The following KCNC1 variants were observed in gnomAD, a reference collection of about 807,000 sequenced individuals.
KCNC1 encodes the protein potassium voltage-gated channel subfamily C member 1, also known as voltage-gated potassium channel KCNC1.
In KCNC1, 8 loss-of-function variants were observed where a neutral mutation model predicts 43.4. The observed-to-expected ratio is 0.18, with a 90% confidence interval of 0.11 to 0.33. The LOEUF (loss-of-function observed/expected upper bound fraction) is 0.33, where lower values mean the gene tolerates loss of function less well. Among genes scored for constraint, KCNC1 ranks in the 10% least tolerant of loss-of-function variants. The pLI, the probability that KCNC1 is intolerant of heterozygous loss-of-function variation, is 1.00. For synonymous variants in KCNC1, 361 were observed against 360.5 expected (o/e 1.00, Z -0.01); for missense variants, 420 against 836.0 (o/e 0.50, Z 6.14).
intron 2 of KCNC1, chr11:17,775,573 C>G (rs1849276088): frequency 1.0e-6 from 1 of 985,428 alleles, no homozygotes; most frequent in African/African-American, 1.7e-5. Context: ...CTACTTCTCT[C>G]CCAGAAAGGG....
In KCNC1 at chr11:17,781,822, C is replaced by T. The variant is rs1849349172; in HGVS notation, c.*88C>T. The T allele has an allele frequency of 2.1e-6, 2 of 936,464 alleles. No homozygotes were observed. Among genetic ancestry groups the T allele is most frequent in the Non-Finnish European group, 1.7e-6 (1 of 595,436 alleles). The allele number at this position is 936,464 out of a possible 1,614,324, so 58.0% of individuals were successfully genotyped here. A position where few individuals can be genotyped will look rare whatever the true frequency, so the allele number is the denominator to read the frequency against. ...CTCACCCTCGGACAGAGTAAATTCA[C>T]GCCATGCAGGTTTGCCGGACGAGTC... On this transcript the variant is annotated 3_prime_UTR_variant, in exon 4 of 4. Coordinates refer to ENST00000265969, the MANE Select transcript of KCNC1 (RefSeq NM_001112741.2). This position sits in a 1 kb window ranked among gnomAD's most constrained non-coding sequence, Gnocchi z 5.1.
At chr11:17,741,806 T>C (rs750450675) in intron 1 of KCNC1, among the ~76,000 whole-genome samples, 3 of 152,210 alleles carry the variant, frequency 2.0e-5, no homozygotes, top group Non-Finnish European at 4.4e-5. Context: ...CAGGTTCCCC[T>C]GCCTCAGGGC....
chr11:17,752,085 A>G lies in KCNC1; in HGVS notation c.570+15513A>G, dbSNP rs140102048. ...TGCTATCAACCCCCAGGTGTTAGCC[A>G]TGAACTCCAAGGCTTTAGTTCTAAT... is the stretch of plus-strand genomic sequence containing the variant. On this transcript the variant is annotated intron_variant, in intron 1 of 3. Coordinates refer to ENST00000265969, the MANE Select transcript of KCNC1 (RefSeq NM_001112741.2). Among the ~76,000 whole-genome samples the G allele has an allele frequency of 5.9e-5, 9 of 152,312 alleles. No homozygotes were observed. In the East Asian group the frequency reaches 1.7e-3, roughly 29 times the overall value.
intron 1 of KCNC1, among the ~76,000 whole-genome samples, chr11:17,768,563 C>T (rs909071869): frequency 7.9e-6 from 1 of 126,482 alleles, no homozygotes; most frequent in African/African-American, 2.9e-5. Flanking sequence ...TGACCCTGCC[C>T]GGAGAGAGTC....
intron 1 of KCNC1, among the ~76,000 whole-genome samples, chr11:17,764,837 GA>G (rs1166754610): frequency 1.3e-5 from 2 of 152,206 alleles, no homozygotes; most frequent in Admixed American, 1.3e-4. Context: ...CCGGCCCGCG[GA>G]AGTCCAGATG....
At chr11:17,755,457 C>T (rs1309724479) in intron 1 of KCNC1, among the ~76,000 whole-genome samples, 2 of 152,204 alleles carry the variant, frequency 1.3e-5, no homozygotes, top group Non-Finnish European at 2.9e-5. Context: ...TGGTCTATTA[C>T]CATGACCCGG....
intron 1 of KCNC1, among the ~76,000 whole-genome samples, chr11:17,759,357 C>T (rs1282342039): frequency 6.6e-6 from 1 of 152,226 alleles, no homozygotes. Context: ...CTCAAACTTT[C>T]TATCAGTAGT....
intron 1 of KCNC1, among the ~76,000 whole-genome samples, chr11:17,737,868 G>A (rs1173145932): frequency 1.3e-5 from 2 of 152,208 alleles, no homozygotes; most frequent in African/African-American, 4.8e-5. Flanking sequence ...GGGCTAGGGA[G>A]GGGTAGGAAG....
At chr11:17,764,997 C>T (rs1849132617) in intron 1 of KCNC1, among the ~76,000 whole-genome samples, 1 of 152,218 alleles carries the variant, frequency 6.6e-6, no homozygotes, top group South Asian at 2.1e-4. Flanking sequence ...GAAAAACTGA[C>T]CTGAAGCCTC....
chr11:17,746,411 A>C (rs543831151), intron 1 of KCNC1, among the ~76,000 whole-genome samples: 1 of 152,264 alleles, frequency 6.6e-6, no homozygotes, highest in East Asian at 1.9e-4. Context: ...CAAGATGCAC[A>C]AGTTCCTACG....
chr11:17,763,430 A>G (rs1013616114), intron 1 of KCNC1, among the ~76,000 whole-genome samples: 1 of 151,960 alleles, frequency 6.6e-6, no homozygotes, highest in Non-Finnish European at 1.5e-5. Context: ...GTGCCCAGCC[A>G]GACCCTGGTT....
At chr11:17,765,776 T>C (rs1306599566) in intron 1 of KCNC1, 1 of 152,288 alleles carries the variant, frequency 6.6e-6, no homozygotes, top group Non-Finnish European at 1.5e-5. Context: ...GAGCTCCCTT[T>C]GTGCCCCCTG....
intron 1 of KCNC1, among the ~76,000 whole-genome samples, chr11:17,763,848 C>A (rs146193065): frequency 6.2e-5 from 9 of 145,632 alleles, no homozygotes; most frequent in Admixed American, 1.4e-4. Context: ...TACACATCCA[C>A]CTCCACACAC....
In KCNC1 at chr11:17,736,216, C is replaced by T. The variant is rs1848763986; in HGVS notation, c.214C>T (p.Arg72Cys). The part of the protein sequence containing the change: ...GVFAHILNYY[R>C]TGKLHCPADV... ...CTTCGCGCACATCCTGAACTACTAC[C>T]GCACGGGCAAGCTGCACTGCCCAGC... The change falls in exon 1 of 4, where the codon CGC becomes TGC. Residue 72 changes from arginine (R) to cysteine (C), a missense_variant. By Grantham distance (180) the Arg-to-Cys change is radical. Transcript: ENST00000265969. The surrounding 1 kb of genome is among the most constrained non-coding windows in gnomAD (Gnocchi z 9.3). 6.2e-7 allele frequency: 1 copy of T among 1,613,748 alleles called. No individual in the cohort carries two copies. The highest frequency in any genetic ancestry group is 1.3e-5 in the African/African-American group (1 of 74,936).
chr11:17,753,799 TCTC>T (rs1354393159), intron 1 of KCNC1, among the ~76,000 whole-genome samples: 1 of 152,134 alleles, frequency 6.6e-6, no homozygotes, highest in Non-Finnish European at 1.5e-5. Context: ...CATGGTCTCA[TCTC>T]CTCACCATGT....
chr11:17,747,093 A>G (rs1848908205), intron 1 of KCNC1, among the ~76,000 whole-genome samples: 1 of 152,026 alleles, frequency 6.6e-6, no homozygotes, highest in African/African-American at 2.4e-5. Flanking sequence ...CTCTACTATC[A>G]GATGCTTCTC....
Position 17,781,366 on chromosome 11 carries a change from T to C in KCNC1, c.1694-304T>C. 1.1e-5 allele frequency: 4 copies of C among 353,848 alleles called. No homozygotes were observed. The South Asian group carries it at 1.4e-4, about 12-fold the overall frequency. The allele number at this position is 353,848 out of a possible 1,614,324, so 21.9% of individuals were successfully genotyped here. A position where few individuals can be genotyped will look rare whatever the true frequency, so the allele number is the denominator to read the frequency against. On this transcript the variant is annotated intron_variant, in intron 3 of 3. Coordinates refer to ENST00000265969, the MANE Select transcript of KCNC1 (RefSeq NM_001112741.2). The surrounding 1 kb of genome is among the most constrained non-coding windows in gnomAD (Gnocchi z 5.1). Reference sequence around the variant, plus strand: ...TACATCCATTCGGCCCGCGCTCTCATGGAGCCACGACAGCCGCCGAGGACT... The same window carrying C: ...TACATCCATTCGGCCCGCGCTCTCACGGAGCCACGACAGCCGCCGAGGACT...
chr11:17,749,556 C>T (rs1166858010), intron 1 of KCNC1, among the ~76,000 whole-genome samples: 2 of 152,162 alleles, frequency 1.3e-5, no homozygotes, highest in African/African-American at 2.4e-5. Context: ...CACAGCCACC[C>T]ACCAGGGCCA....
At chr11:17,744,031 A>G (rs1056582433) in intron 1 of KCNC1, among the ~76,000 whole-genome samples, 10 of 152,054 alleles carry the variant, frequency 6.6e-5, no homozygotes, top group Non-Finnish European at 1.5e-4. Context: ...CGGTGTGTGG[A>G]GAGATGAGGC....
Sources: gnomAD v4.1 joint callset for allele counts (sites outside exome capture counted in the v4.1 genomes callset) on GRCh38, gnomAD v4.1.1 for gene constraint, Gnocchi (gnomAD v3.1) non-coding constraint, MANE v1.5 for transcripts, NCBI Gene and HGNC (gene_info 2026-07-23, HGNC 2026-07-21) for gene names.